TTC33: variants seen among roughly 807,000 people sequenced by gnomAD.
TTC33 encodes tetratricopeptide repeat protein 33.
In TTC33, 24 loss-of-function variants were observed where a neutral mutation model predicts 29.4. That is an observed-to-expected ratio of 0.82 (90% CI 0.59 to 1.15). The LOEUF (loss-of-function observed/expected upper bound fraction) is 1.15. Among genes scored for constraint, TTC33 ranks in the 50% most tolerant of loss-of-function variants. The pLI is 0.00. For missense variants in TTC33, 286 were observed against 310.4 expected (o/e 0.92, Z 0.59); for synonymous variants, 107 against 100.3 (o/e 1.07, Z -0.40).
Position 40,714,839 on chromosome 5 carries a change from A to C in TTC33, c.*1306T>G, listed in dbSNP as rs1353857495. Reference sequence around the variant, plus strand: ...CAACAGTAGTAAGATCTTTAACATAAAGTGGGCTACTTTCATCTCTAACAA... The same window carrying C: ...CAACAGTAGTAAGATCTTTAACATACAGTGGGCTACTTTCATCTCTAACAA... On this transcript the variant is annotated 3_prime_UTR_variant, in exon 5 of 5. Transcript: ENST00000337702. 1 of 152,280 alleles carries C rather than the reference A, an allele frequency of 6.6e-6. No homozygotes were observed. The highest frequency in any genetic ancestry group is 1.9e-4 in the East Asian group (1 of 5,340). 9.4% of individuals were successfully genotyped at this position (152,280 alleles called of 1,614,324 possible). A position where few individuals can be genotyped will look rare whatever the true frequency, so the allele number is the denominator to read the frequency against.
rs944369110 is a variant in TTC33, at chr5:40,713,906, C to A, written c.*2239G>T. On this transcript the variant is annotated 3_prime_UTR_variant, in exon 5 of 5. Coordinates refer to ENST00000337702, the MANE Select transcript of TTC33 (RefSeq NM_012382.3). ...AATAATGGGTGCATTTTTCTCTTCA[C>A]GCATAGAAGAGTATGAGCTAAAATA... is the stretch of plus-strand genomic sequence containing the variant. 6.6e-5 allele frequency among the ~76,000 whole-genome samples: 10 copies of A among 152,160 alleles called. No individual in the cohort carries two copies. The East Asian group carries it at 1.9e-3, about 29-fold the overall frequency.
At chr5:40,737,270 C>T (rs920037326) in intron 2 of TTC33, among the ~76,000 whole-genome samples, 8 of 151,084 alleles carry the variant, frequency 5.3e-5, no homozygotes, top group East Asian at 1.9e-4. Context: ...GCACTCCAGC[C>T]GCCTGGGCAA....
In TTC33 at chr5:40,746,731, C is replaced by T. The variant is rs1423028840; in HGVS notation, c.221+67G>A. ...ATTTATCAAATTCATAACTCTTCAT[C>T]CCATTACGGACAGTGAGCTAGAAAA... On this transcript the variant is annotated intron_variant, in intron 2 of 4. Transcript: ENST00000337702. The T allele has an allele frequency of 5.3e-6, 6 of 1,140,060 alleles. No homozygotes were observed. In the African/African-American group the frequency reaches 7.9e-5, roughly 15 times the overall value. The allele number at this position is 1,140,060 out of a possible 1,614,324, so 70.6% of individuals were successfully genotyped here.
At chr5:40,722,370 G>A (rs369928025) in intron 4 of TTC33, among the ~76,000 whole-genome samples, 4 of 149,116 alleles carry the variant, frequency 2.7e-5, no homozygotes, top group South Asian at 2.1e-4. Context: ...GCCGCCCATC[G>A]TCTGGGATGT....
intron 4 of TTC33, 73 bp downstream of exon 4, chr5:40,728,272 A>T: frequency 2.3e-4 from 229 of 999,314 alleles, no homozygotes; most frequent in Middle Eastern, 6.2e-4. Flanking sequence ...TGACATCAAG[A>T]CTCCATCTCA....
chr5:40,739,813 T>C (rs1218685431), intron 2 of TTC33, among the ~76,000 whole-genome samples: 1 of 152,216 alleles, frequency 6.6e-6, no homozygotes, highest in Non-Finnish European at 1.5e-5. Flanking sequence ...TGTATATTTA[T>C]TGATTTATTT....
chr5:40,742,918 A>G (rs1742723636), intron 2 of TTC33, among the ~76,000 whole-genome samples: 1 of 152,214 alleles, frequency 6.6e-6, no homozygotes, highest in African/African-American at 2.4e-5. Flanking sequence ...TAGCCATAAT[A>G]CAGCCAAAAA....
At chr5:40,742,696 A>G (rs974544077) in intron 2 of TTC33, among the ~76,000 whole-genome samples, 4 of 152,192 alleles carry the variant, frequency 2.6e-5, no homozygotes, top group African/African-American at 9.6e-5. Flanking sequence ...AAAAAAGAAG[A>G]AAAAGAATAA....
intron 1 of TTC33, among the ~76,000 whole-genome samples, chr5:40,750,258 T>A (rs1273347674): frequency 6.6e-6 from 1 of 151,878 alleles, no homozygotes; most frequent in African/African-American, 2.4e-5. Flanking sequence ...GGCTGGTGGC[T>A]GTGACAATTT....
At chr5:40,720,576 A>C (rs112642058) in intron 4 of TTC33, among the ~76,000 whole-genome samples, 1,586 of 152,306 alleles carry the variant, frequency 0.01, 21 homozygotes, top group African/African-American at 0.033. Flanking sequence ...GAACTTCACA[A>C]AACAAAATGG....
At chr5:40,732,789 G>A (rs1217266722) in intron 2 of TTC33, among the ~76,000 whole-genome samples, 1 of 151,956 alleles carries the variant, frequency 6.6e-6, no homozygotes, top group Non-Finnish European at 1.5e-5. Context: ...TTGTTTTTTC[G>A]TAGAGATGGG....
chr5:40,728,986 G>A (rs1053148814), intron 3 of TTC33, among the ~76,000 whole-genome samples: 1 of 152,204 alleles, frequency 6.6e-6, no homozygotes, highest in Admixed American at 6.5e-5. Context: ...TAGGGTTAGG[G>A]TTAGGGAGAG....
intron 2 of TTC33, among the ~76,000 whole-genome samples, chr5:40,734,626 A>G (rs1742506394): frequency 6.6e-6 from 1 of 152,166 alleles, no homozygotes; most frequent in Non-Finnish European, 1.5e-5. Flanking sequence ...TAGCTACTTT[A>G]CTCCCAATTA....
chr5:40,752,294 T>A (rs573837806), intron 1 of TTC33, among the ~76,000 whole-genome samples: 5 of 152,346 alleles, frequency 3.3e-5, no homozygotes, highest in Admixed American at 1.3e-4. Context: ...TGCTTTCTTA[T>A]CATTTGTGTG....
chr5:40,742,903 G>A (rs565672881), intron 2 of TTC33, among the ~76,000 whole-genome samples: 5 of 152,184 alleles, frequency 3.3e-5, no homozygotes, highest in Admixed American at 6.5e-5. Context: ...TTATAAAAAC[G>A]TTTTTAGCCA....
At chr5:40,744,439 C>A (rs1038388409) in intron 2 of TTC33, among the ~76,000 whole-genome samples, 5 of 147,356 alleles carry the variant, frequency 3.4e-5, no homozygotes, top group Non-Finnish European at 5.9e-5. Flanking sequence ...AACTTTGATT[C>A]ATGTTTACAA....
intron 1 of TTC33, among the ~76,000 whole-genome samples, chr5:40,754,999 A>G (rs1742959373): frequency 6.6e-6 from 1 of 152,200 alleles, no homozygotes; most frequent in African/African-American, 2.4e-5. Context: ...CCAGAGTAAG[A>G]AACCATGAGA....
chr5:40,730,706 T>C (rs1005275585), intron 2 of TTC33, among the ~76,000 whole-genome samples: 2 of 152,154 alleles, frequency 1.3e-5, no homozygotes, highest in African/African-American at 4.8e-5. Flanking sequence ...TTCTAGTCCA[T>C]GAAATATATG....
At chr5:40,723,870 A>C (rs755114864) in intron 4 of TTC33, among the ~76,000 whole-genome samples, 22 of 152,186 alleles carry the variant, frequency 1.4e-4, no homozygotes, top group African/African-American at 3.6e-4. Flanking sequence ...CTCTCAAAAA[A>C]AAACAAACAA....
Sources: gnomAD v4.1 joint callset for allele counts (sites outside exome capture counted in the v4.1 genomes callset) on GRCh38, gnomAD v4.1.1 for gene constraint, MANE v1.5 for transcripts, NCBI Gene and HGNC (gene_info 2026-07-23, HGNC 2026-07-21) for gene names.